The following MAP3K13 variants were observed in gnomAD, a reference collection of about 807,000 sequenced individuals.
The protein encoded by MAP3K13 is leucine zipper-bearing kinase.
MAP3K13 carries 52 observed loss-of-function variants against 104.0 expected under a neutral mutation model. The observed-to-expected ratio is 0.50, with a 90% CI of 0.40 to 0.63. The LOEUF is 0.63. Ranked by LOEUF, MAP3K13 falls within the 20% of genes least tolerant of loss-of-function variation. The pLI is 0.00. For missense variants in MAP3K13, 914 were observed against 1,218.5 expected (o/e 0.75, Z 3.72); for synonymous variants, 394 against 442.2 (o/e 0.89, Z 1.37).
intron 1 of MAP3K13, among the ~76,000 whole-genome samples, chr3:185,378,830 TC>T (rs1724565935): frequency 6.6e-6 from 1 of 152,096 alleles, no homozygotes; most frequent in African/African-American, 2.4e-5. Flanking sequence ...ATTATCTAGG[TC>T]TTGTAGGATG....
At chr3:185,299,963 T>C (rs970336846) in intron 2 of MAP3K13, among the ~76,000 whole-genome samples, 4 of 152,196 alleles carry the variant, frequency 2.6e-5, no homozygotes, top group African/African-American at 9.7e-5. Context: ...CTTCTTCATC[T>C]TGCAAAACTG....
At chr3:185,459,656 G>A (rs1337077309) in intron 7 of MAP3K13, among the ~76,000 whole-genome samples, 1 of 151,870 alleles carries the variant, frequency 6.6e-6, no homozygotes, top group Non-Finnish European at 1.5e-5. Context: ...CACCATGTTG[G>A]CCAAGCTGGT....
At chr3:185,356,009 A>G (rs756418708) in intron 2 of MAP3K13, among the ~76,000 whole-genome samples, 8 of 152,220 alleles carry the variant, frequency 5.3e-5, no homozygotes, top group Non-Finnish European at 1.0e-4. Context: ...GAATTAATGT[A>G]TCTTAAAGCC....
rs141795022 is a variant in MAP3K13, at chr3:185,345,791, C to T, written c.-86+60148C>T. On this transcript the variant is annotated intron_variant, in intron 2 of 14. Coordinates refer to the MAP3K13 transcript ENST00000424227. Reference sequence around the variant, plus strand: ...ACAATGTAATAATAGAAATAAAGTGCGCAATAAATGTAATGCACTTGAATC... The same window carrying T: ...ACAATGTAATAATAGAAATAAAGTGTGCAATAAATGTAATGCACTTGAATC... 1.8e-3 allele frequency among the ~76,000 whole-genome samples: 268 copies of T among 152,144 alleles called. 4 individuals carry two copies. In the East Asian group the frequency reaches 0.039, roughly 22 times the overall value.
chr3:185,412,272 AT>A (rs1354792691), intron 1 of MAP3K13, among the ~76,000 whole-genome samples: 1 of 152,074 alleles, frequency 6.6e-6, no homozygotes, highest in African/African-American at 2.4e-5. Context: ...ATTATTTTAC[AT>A]TTATTTTTCT....
At chr3:185,361,397 T>C (rs577434104), upstream of MAP3K13, among the ~76,000 whole-genome samples, 10 of 149,962 alleles carry the variant, frequency 6.7e-5, no homozygotes, top group African/African-American at 2.4e-4. Context: ...CGTTTTTTGT[T>C]TTTTTTTTTT....
chr3:185,314,471 C>G (rs1721604812), intron 2 of MAP3K13, among the ~76,000 whole-genome samples: 1 of 151,976 alleles, frequency 6.6e-6, no homozygotes, highest in Admixed American at 6.6e-5. Flanking sequence ...CAAAAATTAG[C>G]TGGGCATCGT....
chr3:185,447,775 A>T lies in MAP3K13; in HGVS notation c.852-14A>T. 1 of 1,582,154 alleles carries T rather than the reference A, an allele frequency of 6.3e-7. No homozygotes were observed. Among genetic ancestry groups the T allele is most frequent in the Non-Finnish European group, 8.6e-7 (1 of 1,166,670 alleles). ...CTAATGATCCAGATGTTTTCTTTTT[A>T]TTTCTTTTTAAAGTGTTTTAGTGAC... On this transcript the variant is annotated splice_polypyrimidine_tract_variant and intron_variant, in intron 4 of 13. Transcript: ENST00000265026.
chr3:185,395,353 A>ATTTTTTTTTTT (rs1560083058), intron 1 of MAP3K13, among the ~76,000 whole-genome samples: 3 of 18,492 alleles, frequency 1.6e-4, no homozygotes, highest in Admixed American at 6.8e-4. Context: ...ATTCAATATT[A>ATTTTTTTTTTT]TTTCTTTTTT....
chr3:185,298,267 T>G (rs1209976374), intron 2 of MAP3K13, among the ~76,000 whole-genome samples: 1 of 152,162 alleles, frequency 6.6e-6, no homozygotes, highest in Non-Finnish European at 1.5e-5. Flanking sequence ...CCACACCATT[T>G]TTTTCAGGGT....
At position 185,483,617 on chromosome 3, in the gene MAP3K13, T is replaced by C; in HGVS notation, c.*1161T>C. 4.7e-6 allele frequency: 1 copy of C among 210,864 alleles called. No individual in the cohort carries two copies. The highest frequency in any genetic ancestry group is 2.3e-5 in the African/African-American group (1 of 44,100). The allele number at this position is 210,864 out of a possible 1,614,324, so 13.1% of individuals were successfully genotyped here. ...ATTGATTCAAGCAGGAGAACAGACT[T>C]TGAAGGCAGCTAGGATGTATGTGTG... On this transcript the variant is annotated 3_prime_UTR_variant, in exon 14 of 14. Transcript: ENST00000265026.
upstream of MAP3K13, among the ~76,000 whole-genome samples, chr3:185,362,627 G>A (rs1723675735): frequency 6.6e-6 from 1 of 152,034 alleles, no homozygotes; most frequent in Admixed American, 6.6e-5. Flanking sequence ...GTTCCCATGC[G>A]TTCTTCCCGA....
intron 1 of MAP3K13, chr3:185,417,745 C>T (rs1713865615): frequency 1.2e-6 from 2 of 1,612,466 alleles, no homozygotes; most frequent in South Asian, 1.1e-5. Flanking sequence ...CTTGTGATTC[C>T]TGGCCTGGCG....
chr3:185,311,923 A>G (rs916864494), intron 2 of MAP3K13, among the ~76,000 whole-genome samples: 3 of 152,238 alleles, frequency 2.0e-5, no homozygotes, highest in African/African-American at 7.2e-5. Context: ...AAAATTTAAC[A>G]ATGAATTATA....
At chr3:185,314,780 G>T (rs1721617350) in intron 2 of MAP3K13, among the ~76,000 whole-genome samples, 1 of 152,072 alleles carries the variant, frequency 6.6e-6, no homozygotes, top group Non-Finnish European at 1.5e-5. Context: ...TAGCACTACA[G>T]GTACACACCA....
intron 1 of MAP3K13, chr3:185,417,798 C>T: frequency 6.2e-7 from 1 of 1,611,968 alleles, no homozygotes; most frequent in Non-Finnish European, 8.5e-7. Flanking sequence ...ATGGGTTTAG[C>T]TTCAACATGA....
At chr3:185,480,591 C>G in intron 13 of MAP3K13, 62 bp downstream of exon 13, 1 of 1,510,420 alleles carries the variant, frequency 6.6e-7, no homozygotes, top group Non-Finnish European at 8.9e-7. Context: ...GGGTTCAAGT[C>G]TCTAGGGCCT....
intron 2 of MAP3K13, among the ~76,000 whole-genome samples, chr3:185,291,370 C>G (rs906972769): frequency 2.6e-5 from 4 of 152,212 alleles, no homozygotes; most frequent in South Asian, 2.1e-4. Context: ...AATTCTGTTG[C>G]AATTTTCAGT....
chr3:185,484,219 G>C lies in MAP3K13; in HGVS notation c.*1763G>C, dbSNP rs62290236. On this transcript the variant is annotated 3_prime_UTR_variant, in exon 14 of 14. Transcript: ENST00000265026. The stretch of plus-strand genomic sequence containing the variant: ...GAACAAGGGATGCTGAGCAGGGATA[G>C]GAAGGATTTTTACATTGCCAAAAGC... 3 of 152,202 alleles carry C rather than the reference G, an allele frequency of 2.0e-5. No individual in the cohort carries two copies. The highest frequency in any genetic ancestry group is 7.2e-5 in the African/African-American group (3 of 41,458). The allele number at this position is 152,202 out of a possible 1,614,324, so 9.4% of individuals were successfully genotyped here.
Sources: allele counts gnomAD v4.1 joint callset (sites outside exome capture counted in the v4.1 genomes callset), GRCh38; gene constraint gnomAD v4.1.1; transcripts MANE v1.5; gene names NCBI Gene and HGNC (gene_info 2026-07-23, HGNC 2026-07-21).